SWI5: variants seen among roughly 807,000 people sequenced by gnomAD.
SWI5 encodes SWI5 homologous recombination repair protein.
Under a neutral mutation model 17.0 loss-of-function variants are expected in SWI5, and 12 were observed. The observed-to-expected ratio is 0.71, with a 90% CI of 0.45 to 1.14. The LOEUF is 1.14. Among genes scored for constraint, SWI5 ranks in the 50% most tolerant of loss-of-function variants. The pLI is 0.00. For missense variants in SWI5, 158 were observed against 162.2 expected, an observed-to-expected ratio of 0.97 and a Z score of 0.14; for synonymous variants, 61 against 64.0, an observed-to-expected ratio of 0.95 and a Z score of 0.22.
In SWI5 at chr9:128,276,824, C is replaced by G. The variant is rs189645025; in HGVS notation, c.111+69C>G. The G allele has an allele frequency of 1.1e-5, 16 of 1,490,254 alleles. 1 individual carries two copies. The Admixed American group carries it at 2.0e-4, about 18-fold the overall frequency. 92.3% of individuals were successfully genotyped at this position (1,490,254 alleles called of 1,614,324 possible). On this transcript the variant is annotated intron_variant, in intron 2 of 4. Transcript: ENST00000418976. ...TCCCTTGTGCGCTCCCGGCCCCACT[C>G]CCCATCCCAACAGCAGCCAATCCCC...
intron 4 of SWI5, among the ~76,000 whole-genome samples, chr9:128,287,762 A>T (rs1033842725): frequency 6.6e-6 from 1 of 151,862 alleles, no homozygotes; most frequent in East Asian, 2.0e-4. Flanking sequence ...GGGTTTCACC[A>T]TGTTGGCCAG....
intron 4 of SWI5, 123 bp from the exon 5 acceptor site, chr9:128,288,529 G>A (rs1831684114): frequency 1.0e-6 from 1 of 962,660 alleles, no homozygotes; most frequent in Non-Finnish European, 1.6e-6. Context: ...ACAAGTGTGG[G>A]GACTGGCTTG....
Position 128,285,548 on chromosome 9 carries a change from C to T in SWI5, c.234-391C>T, listed in dbSNP as rs968567919. ...AGGGAAAGCTGGCTCTTGAACGCCT[C>T]CTGGAGTTCCCCACACCTCTTGTTC... On this transcript the variant is annotated intron_variant, in intron 3 of 4. Transcript: ENST00000418976. The surrounding 1 kb of genome is among the most constrained non-coding windows in gnomAD (Gnocchi z 4.8). 6.6e-6 allele frequency among the ~76,000 whole-genome samples: 1 copy of T among 151,134 alleles called. No individual in the cohort carries two copies. The highest frequency in any genetic ancestry group is 2.1e-4 in the South Asian group (1 of 4,774).
At chr9:128,282,950 G>A (rs1375592191) in intron 2 of SWI5, among the ~76,000 whole-genome samples, 1 of 152,244 alleles carries the variant, frequency 6.6e-6, no homozygotes, top group African/African-American at 2.4e-5. Flanking sequence ...GGCTGAGGCG[G>A]GCAGATCACT....
rs1441838748 is a variant in SWI5, at chr9:128,286,042, T to C, written c.328+9T>C. On this transcript the variant is annotated intron_variant, in intron 4 of 4. Coordinates refer to ENST00000418976, the Ensembl canonical transcript of SWI5. ...GCTGATGGGCAAACTAGGTGAGTAGTTGGGACTCCAGAGCCACAAGCAGGC... is the reference window on the plus strand; with the variant it reads ...GCTGATGGGCAAACTAGGTGAGTAGCTGGGACTCCAGAGCCACAAGCAGGC... The C allele has an allele frequency of 6.2e-7, 1 of 1,603,266 alleles. No homozygotes were observed. The highest frequency in any genetic ancestry group is 1.3e-5 in the African/African-American group (1 of 74,694).
intron 2 of SWI5, among the ~76,000 whole-genome samples, chr9:128,280,083 A>G (rs1176811082): frequency 6.6e-6 from 1 of 152,118 alleles, no homozygotes; most frequent in Non-Finnish European, 1.5e-5. Context: ...TCTATATCTA[A>G]TTTGTGTTGT....
chr9:128,275,488 C>A, upstream of SWI5: 9 of 1,300,862 alleles, frequency 6.9e-6, no homozygotes, highest in Admixed American at 3.9e-5. Flanking sequence ...CGGTTTGGGG[C>A]GGCAGGAGGT....
intron 2 of SWI5, among the ~76,000 whole-genome samples, chr9:128,277,675 AT>A (rs1831448032): frequency 6.6e-6 from 1 of 152,254 alleles, no homozygotes; most frequent in Non-Finnish European, 1.5e-5. Flanking sequence ...CAAAAAAATA[AT>A]TCCAGGACAA....
chr9:128,275,776 C>T (rs1374992918), upstream of SWI5: 3 of 618,542 alleles, frequency 4.9e-6, no homozygotes, highest in Non-Finnish European at 8.3e-6. Flanking sequence ...GGAGCCCGGA[C>T]GCGCCGTGGG....
rs201725177 is a variant in SWI5 at position 128,276,332 on chromosome 9, A to G, written c.-9A>G. 2,001 of 1,612,198 alleles carry G rather than the reference A, an allele frequency of 1.2e-3. 20 individuals are homozygous for G. The highest frequency in any genetic ancestry group is 7.9e-3 in the South Asian group (722 of 90,976). On this transcript the variant is annotated 5_prime_UTR_variant, in exon 1 of 5. Transcript: ENST00000418976. ...GGTGCACCTGAGAGGTCGCTCTCCGACTCCCGCGCTGGACCCTCTTGCGCC... is the reference window on the plus strand; with the variant it reads ...GGTGCACCTGAGAGGTCGCTCTCCGGCTCCCGCGCTGGACCCTCTTGCGCC...
chr9:128,277,024 A>C (rs1230299414), intron 2 of SWI5, among the ~76,000 whole-genome samples: 1 of 150,166 alleles, frequency 6.7e-6, no homozygotes, highest in African/African-American at 2.5e-5. Context: ...GATGCCTTTC[A>C]CTCCAGTCCA....
At chr9:128,275,400 G>T, upstream of SWI5, 4 of 1,286,080 alleles carry the variant, frequency 3.1e-6, no homozygotes, top group Non-Finnish European at 4.0e-6. Context: ...CCAAGTCGCC[G>T]CTCCGCGATG....
chr9:128,276,288 G>T, exon 1 of SWI5: 1 of 1,612,714 alleles, frequency 6.2e-7, no homozygotes, highest in Non-Finnish European at 8.5e-7. Context: ...TTCACACTCC[G>T]GGTCAGAGTT....
exon 3 of SWI5, chr9:128,284,540 G>A (rs1304196412): frequency 2.5e-6 from 4 of 1,613,712 alleles, no homozygotes; most frequent in African/African-American, 2.7e-5. Context: ...CCAGGCTGAT[G>A]GGACCAGCGA....
At chr9:128,284,659 G>A in intron 3 of SWI5, 28 bp downstream of exon 3, 1 of 1,608,748 alleles carries the variant, frequency 6.2e-7, no homozygotes, top group South Asian at 1.1e-5. Flanking sequence ...CCCCATCATG[G>A]TTAAGATAAC....
intron 4 of SWI5, 54 bp downstream of exon 4, chr9:128,286,087 C>T: frequency 7.2e-7 from 1 of 1,380,080 alleles, no homozygotes; most frequent in Non-Finnish European, 1.0e-6. Flanking sequence ...TGTCGTCTCG[C>T]CTAGGGGTGT....
At chr9:128,288,584 CG>C (rs1377618960) in intron 4 of SWI5, 67 bp from the exon 5 acceptor site, 48 of 1,561,188 alleles carry the variant, frequency 3.1e-5, no homozygotes, top group Non-Finnish European at 4.1e-5. Context: ...GACACTGGCT[CG>C]GGGCATTGGC....
At chr9:128,278,491 CA>C in intron 2 of SWI5, 9 of 363,260 alleles carry the variant, frequency 2.5e-5, no homozygotes, top group South Asian at 1.9e-4. Context: ...CGCTTGAACC[CA>C]GGGGGTGGAG....
chr9:128,282,874 A>G (rs958742996), intron 2 of SWI5, among the ~76,000 whole-genome samples: 3 of 152,254 alleles, frequency 2.0e-5, no homozygotes, highest in East Asian at 1.9e-4. Flanking sequence ...GTTTTATCCA[A>G]TGAGATTATA....
Sources: allele counts gnomAD v4.1 joint callset (sites outside exome capture counted in the v4.1 genomes callset), GRCh38; gene constraint gnomAD v4.1.1; non-coding constraint Gnocchi (gnomAD v3.1); transcripts MANE v1.5; gene names NCBI Gene and HGNC (gene_info 2026-07-23, HGNC 2026-07-21).